CLIC6: variants seen among roughly 807,000 people sequenced by gnomAD.
CLIC6 encodes the protein CLIC family member 6, also known as chloride intracellular channel protein 6.
A neutral mutation model predicts 49.2 loss-of-function variants in CLIC6; 39 were observed. The ratio of observed to expected loss-of-function variants is 0.79; its 90% CI spans 0.61 to 1.04. The LOEUF is 1.04. Among genes scored for constraint, CLIC6 ranks in the 50% least tolerant of loss-of-function variants. CLIC6 has a pLI of 0.00. For synonymous variants in CLIC6, 446 were observed against 433.4 expected (o/e 1.03, Z -0.36); for missense variants, 988 against 993.1 (o/e 0.99, Z 0.07).
chr21:34,701,936 T>C (rs1990197973), intron 1 of CLIC6, among the ~76,000 whole-genome samples: 2 of 151,454 alleles, frequency 1.3e-5, no homozygotes, highest in Non-Finnish European at 2.9e-5. Flanking sequence ...CACCTCCTCT[T>C]CTCCTCCTCC....
At chr21:34,677,065 G>A (rs1989686606) in intron 1 of CLIC6, among the ~76,000 whole-genome samples, 1 of 152,060 alleles carries the variant, frequency 6.6e-6, no homozygotes, top group Non-Finnish European at 1.5e-5. Context: ...CTCCCCACAG[G>A]GAGACGGTAT....
At chr21:34,700,263 C>A (rs13048899) in intron 1 of CLIC6, among the ~76,000 whole-genome samples, 26,322 of 140,868 alleles carry the variant, frequency 0.19, 2,816 homozygotes, top group African/African-American at 0.27. Context: ...CTGGCTAACA[C>A]GGTGAAACCC....
At chr21:34,706,367 C>A (rs1215185310) in intron 1 of CLIC6, among the ~76,000 whole-genome samples, 1 of 152,204 alleles carries the variant, frequency 6.6e-6, no homozygotes, top group African/African-American at 2.4e-5. Context: ...GAGAAATCCA[C>A]CCCCCGACCC....
intron 2 of CLIC6, 49 bp downstream of exon 2, chr21:34,707,438 C>CACACAT (rs570303514): frequency 7.1e-6 from 2 of 280,952 alleles, no homozygotes. Context: ...TAGTTCTCTG[C>CACACAT]ACACACACAC....
intron 1 of CLIC6, among the ~76,000 whole-genome samples, chr21:34,691,955 G>C (rs1990003420): frequency 1.3e-5 from 2 of 152,070 alleles, no homozygotes; most frequent in African/African-American, 4.8e-5. Context: ...TAGTATTTTA[G>C]GTTGCTATTT....
intron 1 of CLIC6, among the ~76,000 whole-genome samples, chr21:34,702,599 A>G (rs1316558689): frequency 6.6e-6 from 1 of 152,130 alleles, no homozygotes. Flanking sequence ...CCCAGCCTCC[A>G]TGGGCAGGGC....
intron 1 of CLIC6, among the ~76,000 whole-genome samples, chr21:34,698,281 C>T (rs1283385938): frequency 2.0e-5 from 3 of 152,158 alleles, no homozygotes; most frequent in Admixed American, 2.0e-4. Flanking sequence ...AGCACTTGTT[C>T]TGTAGGGAGG....
chr21:34,707,925 G>A lies in CLIC6; in HGVS notation c.1485-19G>A. ...ATTCTCACGGTGGCCCATAAACACT[G>A]CTGTTTCCTCCCACCTAGGAAACCC... On this transcript the variant is annotated intron_variant, in intron 2 of 5. Transcript: ENST00000349499. 6.2e-7 allele frequency: 1 copy of A among 1,613,616 alleles called. No homozygotes were observed. Among genetic ancestry groups the A allele is most frequent in the Non-Finnish European group, 8.5e-7 (1 of 1,179,774 alleles).
At chr21:34,689,589 T>C (rs1195177207) in intron 1 of CLIC6, among the ~76,000 whole-genome samples, 2 of 151,440 alleles carry the variant, frequency 1.3e-5, no homozygotes, top group African/African-American at 2.5e-5. Flanking sequence ...AGTTAAGGGA[T>C]CTGAAGCTTT....
intron 1 of CLIC6, among the ~76,000 whole-genome samples, chr21:34,681,643 C>T (rs1318551076): frequency 1.3e-5 from 2 of 152,188 alleles, no homozygotes; most frequent in Non-Finnish European, 2.9e-5. Context: ...TGGGCCTCTT[C>T]ATAGGACTTC....
chr21:34,712,847 GCCCTAA>G (rs60327192), intron 5 of CLIC6, among the ~76,000 whole-genome samples: 57,652 of 149,654 alleles, frequency 0.39, 11,730 homozygotes, highest in East Asian at 0.61. Context: ...AGTGGAGGAT[GCCCTAA>G]CCCTAACCCT....
intron 1 of CLIC6, among the ~76,000 whole-genome samples, chr21:34,688,630 G>C (rs959998036): frequency 6.6e-6 from 1 of 152,208 alleles, no homozygotes; most frequent in African/African-American, 2.4e-5. Context: ...TCTCTAGTTT[G>C]CTAATATAGA....
chr21:34,695,077 G>GATCAGAAAC (rs1238895037), intron 1 of CLIC6, among the ~76,000 whole-genome samples: 1 of 152,182 alleles, frequency 6.6e-6, no homozygotes. Flanking sequence ...TCACAGTTCT[G>GATCAGAAAC]TTGATCAGAA....
chr21:34,696,907 G>C (rs1406177646), intron 1 of CLIC6, among the ~76,000 whole-genome samples: 1 of 151,972 alleles, frequency 6.6e-6, no homozygotes, highest in Non-Finnish European at 1.5e-5. Context: ...TGTATGAATC[G>C]ATACTGATCT....
At chr21:34,682,432 A>G (rs77206936) in intron 1 of CLIC6, among the ~76,000 whole-genome samples, 2,404 of 152,284 alleles carry the variant, frequency 0.016, 69 homozygotes, top group African/African-American at 0.055. Flanking sequence ...TAAAAAGTAT[A>G]TAAGTATTCT....
At chr21:34,692,546 G>A (rs1990015639) in intron 1 of CLIC6, among the ~76,000 whole-genome samples, 1 of 152,178 alleles carries the variant, frequency 6.6e-6, no homozygotes, top group Non-Finnish European at 1.5e-5. Flanking sequence ...CTCTAAACCT[G>A]ATCTCATAAT....
intron 1 of CLIC6, among the ~76,000 whole-genome samples, chr21:34,700,784 G>T (rs1990175051): frequency 7.2e-6 from 1 of 139,526 alleles, no homozygotes; most frequent in Non-Finnish European, 1.5e-5. Flanking sequence ...CGCTACAGAG[G>T]ACTGTGGTGT....
intron 1 of CLIC6, among the ~76,000 whole-genome samples, chr21:34,701,308 C>CAA (rs763844976): frequency 0.027 from 1,317 of 49,550 alleles, 165 homozygotes; most frequent in African/African-American, 0.075. Context: ...GGCTCCGTCT[C>CAA]AAAAAAAAAA....
At chr21:34,680,599 T>C (rs1031213751) in intron 1 of CLIC6, among the ~76,000 whole-genome samples, 1 of 152,224 alleles carries the variant, frequency 6.6e-6, no homozygotes, top group Non-Finnish European at 1.5e-5. Flanking sequence ...TCCTCTTGAA[T>C]GCTTTGCCAC....
Sources: allele counts gnomAD v4.1 joint callset (sites outside exome capture counted in the v4.1 genomes callset), GRCh38; gene constraint gnomAD v4.1.1; transcripts MANE v1.5; gene names NCBI Gene and HGNC (gene_info 2026-07-23, HGNC 2026-07-21).